Variants in MCC observed in about 807,000 individuals in gnomAD.
The protein encoded by MCC is colorectal mutant cancer protein.
A neutral mutation model predicts 116.2 loss-of-function variants in MCC; 90 were observed. The ratio of observed to expected loss-of-function variants is 0.77; its 90% confidence interval spans 0.65 to 0.92. MCC has a LOEUF of 0.92. MCC is among the 40% of genes least tolerant of loss of function. MCC has a pLI of 0.00. For synonymous variants in MCC, 578 were observed against 510.5 expected (o/e 1.13, Z -1.78); for missense variants, 1,516 against 1,312.2 (o/e 1.16, Z -2.40).
At chr5:113,468,878 C>G (rs62371903) in intron 1 of MCC, among the ~76,000 whole-genome samples, 1 of 151,730 alleles carries the variant, frequency 6.6e-6, no homozygotes, top group East Asian at 1.9e-4. Context: ...TTGGTCTATT[C>G]AGAGATTCAA....
At chr5:113,143,143 A>T in intron 5 of MCC, 75 bp downstream of exon 5, 1 of 1,469,702 alleles carries the variant, frequency 6.8e-7, no homozygotes. Flanking sequence ...GAGTTAAAAT[A>T]GTTGGGGCTA....
At chr5:113,181,179 T>A (rs1761609475) in intron 3 of MCC, among the ~76,000 whole-genome samples, 1 of 152,160 alleles carries the variant, frequency 6.6e-6, no homozygotes, top group Non-Finnish European at 1.5e-5. Flanking sequence ...ATGGGAAGCT[T>A]TGATTTTCAA....
Position 113,385,068 on chromosome 5 carries a change from C to G in MCC, c.315G>C (p.Arg105Ser), listed in dbSNP as rs201001014. Residue 105 changes from arginine (R) to serine (S), a missense_variant, in exon 2 of 19, where the codon AGG becomes AGC. Coordinates refer to ENST00000408903, the MANE Select transcript of MCC (RefSeq NM_001085377.2). ...RCRMQLVREI[R>S]KEEVDLSAKS... Reference sequence around the variant, plus strand: ...TTGCAGAAAGATCTACTTCCTCCTTCCTAATTTCTCGAACAAGCTGCATGC... The same window carrying G: ...TTGCAGAAAGATCTACTTCCTCCTTGCTAATTTCTCGAACAAGCTGCATGC... 4 of 1,614,210 alleles carry G rather than the reference C, an allele frequency of 2.5e-6. No individual in the cohort carries two copies. The highest frequency in any genetic ancestry group is 3.4e-6 in the Non-Finnish European group (4 of 1,180,034).
intron 3 of MCC, among the ~76,000 whole-genome samples, chr5:113,225,055 C>A (rs191008232): frequency 6.6e-6 from 1 of 152,136 alleles, no homozygotes; most frequent in Non-Finnish European, 1.5e-5. Flanking sequence ...AAGAGCCAAG[C>A]GACTGACATG....
chr5:113,401,746 C>T (rs1302795309), intron 1 of MCC, among the ~76,000 whole-genome samples: 17 of 149,032 alleles, frequency 1.1e-4, no homozygotes, highest in Non-Finnish European at 1.5e-5. Flanking sequence ...GTGACATGTG[C>T]AAATTTCCCC....
chr5:113,127,497 A>C (rs1271410989), intron 5 of MCC, among the ~76,000 whole-genome samples: 1 of 152,222 alleles, frequency 6.6e-6, no homozygotes, highest in Admixed American at 6.5e-5. Flanking sequence ...TTTTCTCTGC[A>C]ACCTCACCAG....
intron 3 of MCC, among the ~76,000 whole-genome samples, chr5:113,330,797 A>G (rs1388695397): frequency 6.6e-6 from 1 of 152,232 alleles, no homozygotes; most frequent in Non-Finnish European, 1.5e-5. Context: ...TCTTTACCTG[A>G]AAGATAGTAG....
chr5:113,025,864 C>G lies in MCC; in HGVS notation c.*1438G>C, dbSNP rs1750510098. On this transcript the variant is annotated 3_prime_UTR_variant, in exon 19 of 19. Coordinates refer to ENST00000408903, the MANE Select transcript of MCC (RefSeq NM_001085377.2). ...ATTTGTATCATGCTCTGAAAATAGA[C>G]CTACCCGTAGCTTATGGACATAAAG... The G allele has an allele frequency of 6.6e-6, 1 of 152,128 alleles. No homozygotes were observed. The highest frequency in any genetic ancestry group is 1.5e-5 in the Non-Finnish European group (1 of 68,036). 9.4% of individuals were successfully genotyped at this position (152,128 alleles called of 1,614,324 possible).
At chr5:113,113,349 GAGGAACAA>G (rs1561363712) in intron 6 of MCC, among the ~76,000 whole-genome samples, 1 of 152,086 alleles carries the variant, frequency 6.6e-6, no homozygotes, top group African/African-American at 2.4e-5. Context: ...TAATTCCATC[GAGGAACAA>G]ACACAAACCG....
intron 3 of MCC, among the ~76,000 whole-genome samples, chr5:113,194,297 A>G (rs979969784): frequency 6.6e-6 from 1 of 152,176 alleles, no homozygotes; most frequent in Admixed American, 6.5e-5. Flanking sequence ...AACACTCTTG[A>G]GAAACGTCTG....
intron 6 of MCC, among the ~76,000 whole-genome samples, chr5:113,108,064 G>A (rs1756851857): frequency 6.6e-6 from 1 of 152,134 alleles, no homozygotes; most frequent in African/African-American, 2.4e-5. Flanking sequence ...AACCATAGAG[G>A]CCAGGCGCAG....
intron 3 of MCC, chr5:113,294,594 T>C: frequency 6.5e-6 from 8 of 1,232,746 alleles, no homozygotes; most frequent in Non-Finnish European, 8.1e-6. Flanking sequence ...GACGAGCCAT[T>C]GCTGCAGGAG....
intron 7 of MCC, among the ~76,000 whole-genome samples, chr5:113,103,108 C>T (rs531244002): frequency 7.9e-5 from 12 of 151,516 alleles, no homozygotes; most frequent in East Asian, 1.9e-4. Flanking sequence ...AGCAAGACTC[C>T]GTCTAAAAAA....
At chr5:113,048,557 T>C in intron 16 of MCC, 1 of 144,722 alleles carries the variant, frequency 6.9e-6, no homozygotes, top group Non-Finnish European at 1.5e-5. Context: ...TGCTGACATA[T>C]TGTTATAATT....
intron 1 of MCC, among the ~76,000 whole-genome samples, chr5:113,454,532 G>A (rs1771488910): frequency 6.6e-6 from 1 of 152,164 alleles, no homozygotes; most frequent in Non-Finnish European, 1.5e-5. Context: ...CCCTAAGGGA[G>A]GCTAATTGGG....
chr5:113,128,604 C>T (rs1441586825), intron 5 of MCC, among the ~76,000 whole-genome samples: 2 of 152,068 alleles, frequency 1.3e-5, no homozygotes, highest in Non-Finnish European at 2.9e-5. Context: ...AATAATTGAA[C>T]AAATGGGATT....
chr5:113,145,773 CACACACACACAA>C (rs1338735004), intron 4 of MCC, among the ~76,000 whole-genome samples: 475 of 15,052 alleles, frequency 0.032, 10 homozygotes, highest in East Asian at 0.13. Flanking sequence ...CACACACACA[CACACACACACAA>C]ACACACACAC....
chr5:113,177,974 GACTATTTCACTATGTTAA>G (rs1761422863), intron 3 of MCC, among the ~76,000 whole-genome samples: 1 of 152,102 alleles, frequency 6.6e-6, no homozygotes, highest in African/African-American at 2.4e-5. Flanking sequence ...TATCTTAGAA[GACTATTTCACTATGTTAA>G]ACCTGCAAGA....
intron 1 of MCC, among the ~76,000 whole-genome samples, chr5:113,481,738 CA>C (rs1483997042): frequency 1.3e-5 from 2 of 151,408 alleles, no homozygotes; most frequent in Non-Finnish European, 2.9e-5. Context: ...GACTCCATCT[CA>C]AAAAAATAAA....
Sources: allele counts gnomAD v4.1 joint callset (sites outside exome capture counted in the v4.1 genomes callset), GRCh38; gene constraint gnomAD v4.1.1; transcripts MANE v1.5; gene names NCBI Gene and HGNC (gene_info 2026-07-23, HGNC 2026-07-21).